AGTPBP1: variants seen among roughly 807,000 people sequenced by gnomAD.
AGTPBP1 encodes the protein ATP/GTP binding carboxypeptidase 1, also known as cytosolic carboxypeptidase 1.
In AGTPBP1, 70 loss-of-function variants were observed where a neutral mutation model predicts 143.9. The observed-to-expected ratio is 0.49, with a 90% CI of 0.40 to 0.59. The LOEUF (loss-of-function observed/expected upper bound fraction) is 0.59, where lower values mean the gene tolerates loss of function less well. Ranked by LOEUF, AGTPBP1 falls within the 20% of genes least tolerant of loss-of-function variation. The pLI, the probability that AGTPBP1 is intolerant of heterozygous loss-of-function variation, is 0.00. For synonymous variants in AGTPBP1, 463 were observed against 500.2 expected (o/e 0.93, Z 0.99); for missense variants, 1,229 against 1,464.5 (o/e 0.84, Z 2.62).
chr9:85,700,615 A>G (rs1761392955), intron 2 of AGTPBP1, among the ~76,000 whole-genome samples: 2 of 152,206 alleles, frequency 1.3e-5, no homozygotes, highest in South Asian at 4.1e-4. Context: ...CTGGCAAGTG[A>G]GATGTAGGCA....
At chr9:85,578,833 T>C (rs1249351241) in intron 24 of AGTPBP1, 87 bp downstream of exon 24, 4 of 1,321,240 alleles carry the variant, frequency 3.0e-6, no homozygotes, top group Non-Finnish European at 4.2e-6. Flanking sequence ...ACAAACATCA[T>C]TTAATATATA....
At chr9:85,720,020 T>C (rs990178791) in intron 1 of AGTPBP1, among the ~76,000 whole-genome samples, 110 of 152,264 alleles carry the variant, frequency 7.2e-4, no homozygotes, top group African/African-American at 2.6e-3. Context: ...CCAACTTGAT[T>C]GTGGTGGATA....
intron 10 of AGTPBP1, among the ~76,000 whole-genome samples, chr9:85,655,770 T>C (rs1194575121): frequency 6.6e-6 from 1 of 152,146 alleles, no homozygotes; most frequent in East Asian, 1.9e-4. Flanking sequence ...CTCTCATAAG[T>C]TGGCTATTCA....
rs58719163 is a variant in AGTPBP1 at position 85,689,925 on chromosome 9, A to AAAAAATAT, written c.157+2763_157+2764insATATTTTT. On this transcript the variant is annotated intron_variant, in intron 3 of 25. Coordinates refer to ENST00000357081, the MANE Select transcript of AGTPBP1 (RefSeq NM_001330701.2). Reference sequence around the variant, plus strand: ...AAAAAAAAAAAAAAAAAAAAAAAAAAATATATATATATATATATATATCTT... The same window carrying AAAAAATAT: ...AAAAAAAAAAAAAAAAAAAAAAAAAAAAAAATATATATATATATATATATATATATCTT... Among the ~76,000 whole-genome samples the AAAAAATAT allele has an allele frequency of 2.1e-3, 155 of 72,462 alleles. 5 individuals carry two copies. Among genetic ancestry groups the AAAAAATAT allele is most frequent in the African/African-American group, 5.5e-3 (79 of 14,494 alleles). The allele number at this position is 72,462 out of a possible 152,430, so 47.5% of individuals were successfully genotyped here.
chr9:85,720,193 A>T (rs1838011306), intron 1 of AGTPBP1, among the ~76,000 whole-genome samples: 1 of 152,062 alleles, frequency 6.6e-6, no homozygotes, highest in Non-Finnish European at 1.5e-5. Context: ...GTTAGGGAGG[A>T]TTCCCTCTTT....
intron 11 of AGTPBP1, among the ~76,000 whole-genome samples, chr9:85,650,938 T>C (rs1304564386): frequency 2.6e-5 from 4 of 152,238 alleles, no homozygotes; most frequent in Non-Finnish European, 5.9e-5. Context: ...AATACTTTCC[T>C]TCTCACCTCT....
At chr9:85,659,420 A>G (rs1327662232) in intron 9 of AGTPBP1, among the ~76,000 whole-genome samples, 1 of 152,194 alleles carries the variant, frequency 6.6e-6, no homozygotes. Context: ...TTTATTTTGT[A>G]TCATTCAATT....
intron 25 of AGTPBP1, among the ~76,000 whole-genome samples, chr9:85,555,610 A>G (rs2132769581): frequency 6.6e-6 from 1 of 152,330 alleles, no homozygotes; most frequent in Middle Eastern, 3.4e-3. Flanking sequence ...AAACAAAAAA[A>G]GATAGTTGAT....
chr9:85,637,699 A>C (rs1405219905), intron 13 of AGTPBP1, among the ~76,000 whole-genome samples: 1 of 152,222 alleles, frequency 6.6e-6, no homozygotes, highest in Non-Finnish European at 1.5e-5. Context: ...TGGAATGACA[A>C]GAAATATTTC....
At chr9:85,797,944 G>A in the AGTPBP1 span, among the ~76,000 whole-genome samples, 203 of 152,182 alleles carry the variant, frequency 1.3e-3, no homozygotes, top group Admixed American at 4.3e-3. Context: ...CCAGGCTGGA[G>A]TACAGAGGCA....
chr9:85,592,215 G>A (rs756468725), intron 19 of AGTPBP1, among the ~76,000 whole-genome samples: 2 of 151,332 alleles, frequency 1.3e-5, no homozygotes, highest in Non-Finnish European at 2.9e-5. Context: ...AGAGAACTGT[G>A]GATTTCAACA....
chr9:85,646,284 T>C, intron 12 of AGTPBP1, 37 bp downstream of exon 12: 2 of 1,488,278 alleles, frequency 1.3e-6, no homozygotes. Flanking sequence ...TAGTATATCA[T>C]TTATAAAGCT....
At chr9:85,784,786 G>C in the AGTPBP1 span, among the ~76,000 whole-genome samples, 1,269 of 152,322 alleles carry the variant, frequency 8.3e-3, 18 homozygotes, top group African/African-American at 0.029. Flanking sequence ...CTGAACCAGA[G>C]TGAGCCGTGG....
At chr9:85,740,503 G>A (rs1209787539) in intron 1 of AGTPBP1, among the ~76,000 whole-genome samples, 1 of 152,140 alleles carries the variant, frequency 6.6e-6, no homozygotes, top group African/African-American at 2.4e-5. Flanking sequence ...TTGACATTTG[G>A]CACATGTTTT....
chr9:85,692,740 C>T lies in AGTPBP1; in HGVS notation c.106G>A (p.Asp36Asn), dbSNP rs200184234. The part of the protein sequence containing the change: ...EKINAEPSES[D>N]TARYVTSKIL... The stretch of plus-strand genomic sequence containing the variant: ...TTTGATGTAACATATCGGGCAGTGT[C>T]TGATTCTGAAGGCTCAGCATTGATC... The change falls in exon 3 of 26, where the codon GAC becomes AAC. Residue 36 changes from aspartate to asparagine, a missense_variant. By Grantham distance (23) the Asp-to-Asn change is conservative. Coordinates refer to ENST00000357081, the MANE Select transcript of AGTPBP1 (RefSeq NM_001330701.2). 80 of 1,613,912 alleles carry T rather than the reference C, an allele frequency of 5.0e-5. No homozygotes were observed. Among genetic ancestry groups the T allele is most frequent in the Non-Finnish European group, 6.6e-5 (78 of 1,179,968 alleles).
At position 85,717,674 on chromosome 9, in the gene AGTPBP1, T is replaced by C. The variant is rs560507172; in HGVS notation, c.-33-5108A>G. Among the ~76,000 whole-genome samples the C allele has an allele frequency of 8.7e-5, 13 of 149,936 alleles. 1 individual carries two copies. The South Asian group carries it at 1.3e-3, about 15-fold the overall frequency. On this transcript the variant is annotated intron_variant, in intron 1 of 25. Coordinates refer to ENST00000357081, the MANE Select transcript of AGTPBP1 (RefSeq NM_001330701.2). ...GGAGGCTTCATGAATGGGATGAGTATCCTTTTTTTTTTTTTTTTAATATAC... is the reference window on the plus strand; with the variant it reads ...GGAGGCTTCATGAATGGGATGAGTACCCTTTTTTTTTTTTTTTTAATATAC...
At chr9:85,572,151 C>A (rs1213768198) in intron 25 of AGTPBP1, among the ~76,000 whole-genome samples, 2 of 151,328 alleles carry the variant, frequency 1.3e-5, no homozygotes, top group Non-Finnish European at 2.9e-5. Flanking sequence ...CTCAGCCTCC[C>A]GAGTAGCTGG....
At chr9:85,673,205 G>C (rs1834601342) in intron 6 of AGTPBP1, among the ~76,000 whole-genome samples, 2 of 151,062 alleles carry the variant, frequency 1.3e-5, no homozygotes, top group South Asian at 2.1e-4. Flanking sequence ...TAAAACATTA[G>C]TTGAAAGAAT....
At chr9:85,707,068 T>C (rs560029763) in intron 2 of AGTPBP1, among the ~76,000 whole-genome samples, 2 of 152,178 alleles carry the variant, frequency 1.3e-5, no homozygotes, top group African/African-American at 4.8e-5. Flanking sequence ...AAGTCAACTA[T>C]GGAACTAAAC....
Sources: allele counts gnomAD v4.1 joint callset (sites outside exome capture counted in the v4.1 genomes callset), GRCh38; gene constraint gnomAD v4.1.1; transcripts MANE v1.5; gene names NCBI Gene and HGNC (gene_info 2026-07-23, HGNC 2026-07-21).